ZKSCAN7: variants seen among roughly 807,000 people sequenced by gnomAD.
ZKSCAN7 encodes zinc finger with KRAB and SCAN domains 7, also known as zinc finger protein with KRAB and SCAN domains 7.
ZKSCAN7 carries 38 observed loss-of-function variants against 65.3 expected under a neutral mutation model. The observed-to-expected ratio is 0.58, with a 90% CI of 0.45 to 0.76. The LOEUF (loss-of-function observed/expected upper bound fraction) is 0.76, where lower values mean the gene tolerates loss of function less well. Ranked by LOEUF, ZKSCAN7 falls within the 30% of genes least tolerant of loss-of-function variation. The probability of loss-of-function intolerance (pLI) is 0.00; values close to 1 mark genes in which losing one functional copy is unlikely to be tolerated. For synonymous variants in ZKSCAN7, 321 were observed against 321.0 expected, an observed-to-expected ratio of 1.00 and a Z score of 0.00; for missense variants, 815 against 913.3, an observed-to-expected ratio of 0.89 and a Z score of 1.39.
At chr3:44,562,978 A>AC (rs36111183) in intron 2 of ZKSCAN7, among the ~76,000 whole-genome samples, 9,687 of 141,904 alleles carry the variant, frequency 0.068, 444 homozygotes, top group Non-Finnish European at 0.097. Context: ...TCAAAAAACA[A>AC]AAAAAAAAAA....
chr3:44,557,736 G>T, intron 2 of ZKSCAN7: 1 of 527,344 alleles, frequency 1.9e-6, no homozygotes, highest in Non-Finnish European at 3.3e-6. Flanking sequence ...CCTGGCAGGC[G>T]GGGGATCTGC....
Position 44,570,577 on chromosome 3 carries a change from T to C in ZKSCAN7, c.1467T>C (p.His489=). 1 of 1,612,630 alleles carries C rather than the reference T, an allele frequency of 6.2e-7. No homozygotes were observed. Among genetic ancestry groups the C allele is most frequent in the Non-Finnish European group, 8.5e-7 (1 of 1,178,742 alleles). ...GACTCACTGACCACCAGAGAACCCA[T>C]ACTGGGGAGAAACCTTATGAATGCA... The part of the protein sequence containing the change: ...SSRLTDHQRT[H]TGEKPYECNE... Residue 489 remains histidine, a synonymous_variant, in exon 6 of 6, where the codon CAT becomes CAC. Coordinates refer to ENST00000426540, the MANE Select transcript of ZKSCAN7 (RefSeq NM_001288590.2).
In ZKSCAN7 at chr3:44,558,223, G is replaced by A. The variant is rs1308306069; in HGVS notation, c.423+753G>A. On this transcript the variant is annotated intron_variant, in intron 2 of 5. Coordinates refer to ENST00000426540, the MANE Select transcript of ZKSCAN7 (RefSeq NM_001288590.2). ...GGCATGGGCACACATGCATGTGCATGTGTAAAGAGATTTATTGGTGGCTGG... is the reference window on the plus strand; with the variant it reads ...GGCATGGGCACACATGCATGTGCATATGTAAAGAGATTTATTGGTGGCTGG... Among the ~76,000 whole-genome samples, 5 of 151,980 alleles carry A rather than the reference G, an allele frequency of 3.3e-5. No homozygotes were observed. In the East Asian group the frequency reaches 9.7e-4, roughly 29 times the overall value.
At chr3:44,579,442 C>T (rs542240940) in intron 5 of ZKSCAN7, among the ~76,000 whole-genome samples, 31 of 152,338 alleles carry the variant, frequency 2.0e-4, no homozygotes, top group African/African-American at 5.3e-4. Context: ...TCCGCTCCCA[C>T]GTGCGGCTCC....
chr3:44,571,497 T>C lies in ZKSCAN7; in HGVS notation c.*122T>C. 1.3e-6 allele frequency: 2 copies of C among 1,585,948 alleles called. No homozygotes were observed. Among genetic ancestry groups the C allele is most frequent in the Admixed American group, 1.7e-5 (1 of 59,370 alleles). ...TGGACCATTCCCTACTTGCTTTTCCTTGGATCACTAAGGTGGGAGAGTAGG... is the reference window on the plus strand; with the variant it reads ...TGGACCATTCCCTACTTGCTTTTCCCTGGATCACTAAGGTGGGAGAGTAGG... On this transcript the variant is annotated 3_prime_UTR_variant, in exon 6 of 6. Transcript: ENST00000426540.
At chr3:44,567,482 A>T (rs1252764937) in intron 3 of ZKSCAN7, among the ~76,000 whole-genome samples, 1 of 152,188 alleles carries the variant, frequency 6.6e-6, no homozygotes, top group African/African-American at 2.4e-5. Flanking sequence ...TGAGAGCAGT[A>T]TTAAAGCAAT....
intron 3 of ZKSCAN7, among the ~76,000 whole-genome samples, chr3:44,567,167 AAGAGAAAAGAAAAG>A (rs1266824416): frequency 6.7e-5 from 4 of 59,788 alleles, no homozygotes; most frequent in South Asian, 5.5e-4. Context: ...AGAAAAAGAG[AAGAGAAAAGAAAAG>A]AGAGAAAAGA....
At position 44,571,623 on chromosome 3, in the gene ZKSCAN7, C is replaced by T; in HGVS notation, c.*248C>T. The T allele has an allele frequency of 7.5e-7, 1 of 1,333,916 alleles. No individual in the cohort carries two copies. Among genetic ancestry groups the T allele is most frequent in the Non-Finnish European group, 9.6e-7 (1 of 1,044,674 alleles). The allele number at this position is 1,333,916 out of a possible 1,614,324, so 82.6% of individuals were successfully genotyped here. A position where few individuals can be genotyped will look rare whatever the true frequency, so the allele number is the denominator to read the frequency against. On this transcript the variant is annotated 3_prime_UTR_variant, in exon 6 of 6. Coordinates refer to ENST00000426540, the MANE Select transcript of ZKSCAN7 (RefSeq NM_001288590.2). ...TTTTTTCTTTACTTTTAAATTTTAA[C>T]TTTTAAAATCTATTTCATTTCTTAG...
rs762512473 is a variant in ZKSCAN7, at chr3:44,578,272, G to A, written c.812-4700G>A. The A allele has an allele frequency of 2.5e-6, 4 of 1,571,876 alleles. No individual in the cohort carries two copies. In the African/African-American group the frequency reaches 4.1e-5, roughly 16 times the overall value. ...CTGTCTGCAGCTCATCCTTGAGGGA[G>A]CTAATCTCCTGTTTCAGGTACTGTA... On this transcript the variant is annotated intron_variant, in intron 5 of 5. Coordinates refer to the ZKSCAN7 transcript ENST00000341840.
intron 2 of ZKSCAN7, 116 bp from the exon 3 acceptor site, chr3:44,565,371 G>A (rs1323497518): frequency 9.6e-7 from 1 of 1,042,548 alleles, no homozygotes; most frequent in Non-Finnish European, 1.4e-6. Flanking sequence ...GGGCTGGAAG[G>A]ACACCCTGGC....
intron 5 of ZKSCAN7, among the ~76,000 whole-genome samples, chr3:44,579,785 T>G (rs541952953): frequency 6.6e-6 from 1 of 152,300 alleles, no homozygotes; most frequent in South Asian, 2.1e-4. Context: ...ATCCCTGTAG[T>G]ATCTCAGGCT....
downstream of ZKSCAN7, among the ~76,000 whole-genome samples, chr3:44,573,134 A>T (rs968542919): frequency 1.3e-5 from 2 of 152,234 alleles, no homozygotes; most frequent in Non-Finnish European, 2.9e-5. Context: ...CGAAGACATA[A>T]GAAAAGAAAT....
downstream of ZKSCAN7, among the ~76,000 whole-genome samples, chr3:44,572,869 A>C (rs1187788536): frequency 6.7e-6 from 1 of 150,150 alleles, no homozygotes; most frequent in Admixed American, 6.7e-5. Context: ...AAAAAAAAAA[A>C]AGAACTGTGT....
chr3:44,565,806 G>T (rs1369861182), intron 3 of ZKSCAN7, 151 bp downstream of exon 3: 2 of 861,280 alleles, frequency 2.3e-6, no homozygotes, highest in East Asian at 6.3e-5. Flanking sequence ...TGTTCCTTTT[G>T]CTTATTCTCT....
chr3:44,570,754 G>A lies in ZKSCAN7; in HGVS notation c.1644G>A (p.Glu548=). 6.2e-7 allele frequency: 1 copy of A among 1,614,190 alleles called. No homozygotes were observed. Among genetic ancestry groups the A allele is most frequent in the East Asian group, 2.2e-5 (1 of 44,880 alleles). Residue 548 remains glutamate (E), a synonymous_variant, in exon 6 of 6, where the codon GAG becomes GAA. Transcript: ENST00000426540. ...LIDHQRIHTG[E]KPYECSECGK... ...ACCATCAGAGAATCCACACTGGGGA[G>A]AAGCCTTATGAGTGTAGTGAATGTG...
At chr3:44,565,801 C>G in intron 3 of ZKSCAN7, 146 bp downstream of exon 3, 4 of 887,890 alleles carry the variant, frequency 4.5e-6, no homozygotes, top group Non-Finnish European at 6.2e-6. Flanking sequence ...CTGTTTGTTC[C>G]TTTTGCTTAT....
At chr3:44,569,811 C>T (rs1699740657) in intron 5 of ZKSCAN7, 111 bp from the exon 6 acceptor site, 2 of 1,413,774 alleles carry the variant, frequency 1.4e-6, no homozygotes, top group Non-Finnish European at 1.8e-6. Flanking sequence ...TGTGTCATCT[C>T]ATTTCTTAAC....
At chr3:44,565,326 C>T (rs1699598653) in intron 2 of ZKSCAN7, among the ~76,000 whole-genome samples, 161 bp from the exon 3 acceptor site, 1 of 152,132 alleles carries the variant, frequency 6.6e-6, no homozygotes, top group African/African-American at 2.4e-5. Flanking sequence ...TCTGCTTTCA[C>T]AGTTTTTTTT....
At chr3:44,559,194 T>C (rs908754783) in intron 2 of ZKSCAN7, among the ~76,000 whole-genome samples, 1 of 152,032 alleles carries the variant, frequency 6.6e-6, no homozygotes, top group Non-Finnish European at 1.5e-5. Flanking sequence ...ACTTATTATG[T>C]ACTTTAATCA....
Sources: gnomAD v4.1 joint callset for allele counts (sites outside exome capture counted in the v4.1 genomes callset) on GRCh38, gnomAD v4.1.1 for gene constraint, MANE v1.5 for transcripts, NCBI Gene and HGNC (gene_info 2026-07-23, HGNC 2026-07-21) for gene names.